Variants in OOSP2 observed in about 807,000 individuals in gnomAD.
OOSP2 encodes the protein oocyte-secreted protein 2.
Under a neutral mutation model 13.4 loss-of-function variants are expected in OOSP2, and 7 were observed. The observed-to-expected ratio is 0.52, with a 90% CI of 0.30 to 0.98. The LOEUF is 0.98. Ranked by LOEUF, OOSP2 falls within the 50% of genes least tolerant of loss-of-function variation. OOSP2 has a pLI of 0.07. For synonymous variants in OOSP2, 75 were observed against 67.2 expected (o/e 1.12, Z -0.57); for missense variants, 184 against 188.5 (o/e 0.98, Z 0.14).
At chr11:60,043,674 ATACTGCATGTTTT>A in intron 2 of OOSP2, 27 bp downstream of exon 2, 1 of 1,336,576 alleles carries the variant, frequency 7.5e-7, no homozygotes. Context: ...TTTGTAAAAA[ATACTGCATGTTTT>A]GTCAGACTTT....
chr11:60,042,733 GA>G (rs1854952059), intron 1 of OOSP2, among the ~76,000 whole-genome samples: 2 of 152,006 alleles, frequency 1.3e-5, no homozygotes, highest in Non-Finnish European at 2.9e-5. Flanking sequence ...TACTGTTCTA[GA>G]ACCACCCTTT....
chr11:60,042,584 C>G (rs968451564), intron 1 of OOSP2, among the ~76,000 whole-genome samples: 1 of 152,102 alleles, frequency 6.6e-6, no homozygotes, highest in African/African-American at 2.4e-5. Context: ...GACTTACTGA[C>G]GATTTAAATA....
intron 3 of OOSP2, chr11:60,046,719 G>A: frequency 1.5e-6 from 1 of 647,178 alleles, no homozygotes; most frequent in Non-Finnish European, 2.9e-6. Context: ...CTCAGTGTTT[G>A]ATGCAGAAAT....
At position 60,040,483 on chromosome 11, in the gene OOSP2, C is replaced by A. The variant is rs750072533; in HGVS notation, c.24C>A (p.Leu8=). Reference sequence around the variant, plus strand: ...CCATGGCGTTAGAAGTCTTGATGCTCCTCGCTGTCTTGATTTGGACCGGTG... The same window carrying A: ...CCATGGCGTTAGAAGTCTTGATGCTACTCGCTGTCTTGATTTGGACCGGTG... The part of the protein sequence containing the change: MALEVLM[L]LAVLIWTGAE... The change falls in exon 1 of 4, where the codon CTC becomes CTA. Residue 8 remains leucine (L), a synonymous_variant. Coordinates refer to ENST00000278855, the MANE Select transcript of OOSP2 (RefSeq NM_173801.5). The A allele has an allele frequency of 5.0e-6, 8 of 1,604,334 alleles. No homozygotes were observed. The South Asian group carries it at 8.8e-5, about 18-fold the overall frequency.
At chr11:60,041,023 G>A (rs1309180185) in intron 1 of OOSP2, among the ~76,000 whole-genome samples, 1 of 152,208 alleles carries the variant, frequency 6.6e-6, no homozygotes, top group Non-Finnish European at 1.5e-5. Flanking sequence ...ATAGGAGAAA[G>A]CTAAGTCAGC....
intron 3 of OOSP2, chr11:60,046,610 C>T: frequency 2.2e-6 from 1 of 455,018 alleles, no homozygotes; most frequent in South Asian, 1.6e-5. Flanking sequence ...CTTTTTCTTA[C>T]TGTTCTTAGG....
chr11:60,042,608 T>C (rs942290250), intron 1 of OOSP2, among the ~76,000 whole-genome samples: 6 of 152,300 alleles, frequency 3.9e-5, no homozygotes, highest in African/African-American at 1.2e-4. Context: ...AGGATAAAGA[T>C]GGGTTTTACA....
intron 1 of OOSP2, among the ~76,000 whole-genome samples, chr11:60,041,850 CAAAAA>C (rs571172974): frequency 2.7e-5 from 1 of 36,418 alleles, no homozygotes; most frequent in Non-Finnish European, 4.7e-5. Flanking sequence ...GACTCTGTCT[CAAAAA>C]AAAAAAAAAA....
intron 3 of OOSP2, among the ~76,000 whole-genome samples, chr11:60,045,694 G>A (rs1479651493): frequency 6.6e-6 from 1 of 151,810 alleles, no homozygotes; most frequent in Admixed American, 6.6e-5. Context: ...TTTAATTTTG[G>A]TAAAATGTAC....
chr11:60,043,200 G>C (rs942806950), intron 1 of OOSP2, among the ~76,000 whole-genome samples: 1 of 152,094 alleles, frequency 6.6e-6, no homozygotes, highest in South Asian at 2.1e-4. Flanking sequence ...CACTGCGCCC[G>C]GCCCATTTAT....
intron 1 of OOSP2, among the ~76,000 whole-genome samples, chr11:60,041,271 A>G (rs1167885816): frequency 1.3e-5 from 2 of 152,200 alleles, no homozygotes; most frequent in Admixed American, 1.3e-4. Context: ...TTGGAAGCAA[A>G]GATCACATAT....
In OOSP2 at chr11:60,043,551, T is replaced by C; in HGVS notation, c.147T>C (p.Asp49=). The stretch of plus-strand genomic sequence containing the variant: ...GCAGAAATCTGTATATATTTGCGGA[T>C]GAATTACATCTGGGAATGGGCTGCC... ...AESRNLYIFA[D]ELHLGMGCPA... is the part of the protein sequence containing the mutation. Residue 49 remains aspartate, a synonymous_variant, in exon 2 of 4, where the codon GAT becomes GAC. Transcript: ENST00000278855. The C allele has an allele frequency of 6.2e-7, 1 of 1,610,988 alleles. No individual in the cohort carries two copies. The highest frequency in any genetic ancestry group is 8.5e-7 in the Non-Finnish European group (1 of 1,177,182).
chr11:60,046,140 CTCTG>C (rs1855005365), intron 3 of OOSP2, among the ~76,000 whole-genome samples: 1 of 144,188 alleles, frequency 6.9e-6, no homozygotes, highest in Non-Finnish European at 1.5e-5. Context: ...TGGCCTGTCT[CTCTG>C]TCTCTCTGGT....
At chr11:60,042,853 G>A (rs1285395894) in intron 1 of OOSP2, among the ~76,000 whole-genome samples, 1 of 151,714 alleles carries the variant, frequency 6.6e-6, no homozygotes, top group African/African-American at 2.4e-5. Context: ...CCCCCTCCAT[G>A]GAATATTTAG....
chr11:60,046,410 A>C (rs1855009072), intron 3 of OOSP2, among the ~76,000 whole-genome samples: 1 of 151,932 alleles, frequency 6.6e-6, no homozygotes, highest in Non-Finnish European at 1.5e-5. Context: ...CTATTTTGAT[A>C]GTAACTACTA....
At chr11:60,046,725 G>T in intron 3 of OOSP2, 1 of 656,332 alleles carries the variant, frequency 1.5e-6, no homozygotes. Context: ...GTTTGATGCA[G>T]AAATCATGGG....
chr11:60,043,417 C>T (rs906238624), intron 1 of OOSP2, 52 bp from the exon 2 acceptor site: 2 of 1,247,180 alleles, frequency 1.6e-6, no homozygotes, highest in East Asian at 2.3e-5. Flanking sequence ...TCTTTGAACA[C>T]TTTCTTAAGA....
chr11:60,041,223 G>C (rs1032666596), intron 1 of OOSP2, among the ~76,000 whole-genome samples: 11 of 152,114 alleles, frequency 7.2e-5, no homozygotes, highest in Non-Finnish European at 5.9e-5. Context: ...CTTTGAAACT[G>C]ATACGTCAAT....
At position 60,045,799 on chromosome 11, in the gene OOSP2, A is replaced by G. The variant is rs147844882; in HGVS notation, c.347+1025A>G. Among the ~76,000 whole-genome samples the G allele has an allele frequency of 9.8e-4, 149 of 152,266 alleles. 1 individual carries two copies. The highest frequency in any genetic ancestry group is 3.5e-3 in the African/African-American group (144 of 41,550). ...ACTCTTCCCTTTAACTTATTTTCAT[A>G]AAGTATTTTCATAATACTTTTACTC... is the stretch of plus-strand genomic sequence containing the variant. On this transcript the variant is annotated intron_variant, in intron 3 of 3. Coordinates refer to ENST00000278855, the MANE Select transcript of OOSP2 (RefSeq NM_173801.5).
Sources: gnomAD v4.1 joint callset for allele counts (sites outside exome capture counted in the v4.1 genomes callset) on GRCh38, gnomAD v4.1.1 for gene constraint, MANE v1.5 for transcripts, NCBI Gene and HGNC (gene_info 2026-07-23, HGNC 2026-07-21) for gene names.